The following SSBP2 variants were observed in gnomAD, a reference collection of about 807,000 sequenced individuals.
SSBP2 encodes the protein single-stranded DNA-binding protein 2.
Under a neutral mutation model 61.8 loss-of-function variants are expected in SSBP2, and 17 were observed. That is an observed-to-expected ratio of 0.28 (90% CI 0.19 to 0.41). SSBP2 has a LOEUF of 0.41. Ranked by LOEUF, SSBP2 falls within the 10% of genes least tolerant of loss-of-function variation. The probability of loss-of-function intolerance (pLI) is 1.00; values close to 1 mark genes in which losing one functional copy is unlikely to be tolerated. For missense variants in SSBP2, 310 were observed against 458.7 expected, an observed-to-expected ratio of 0.68 and a Z score of 2.96; for synonymous variants, 139 against 141.3, an observed-to-expected ratio of 0.98 and a Z score of 0.12.
At chr5:81,460,351 A>T (rs1379876946) in intron 10 of SSBP2, among the ~76,000 whole-genome samples, 2 of 152,220 alleles carry the variant, frequency 1.3e-5, no homozygotes, top group East Asian at 3.8e-4. Context: ...CTTCTCTCAC[A>T]TATCGAAGAA....
intron 1 of SSBP2, among the ~76,000 whole-genome samples, chr5:81,719,631 T>C (rs1187733137): frequency 3.9e-5 from 6 of 152,156 alleles, no homozygotes; most frequent in Non-Finnish European, 8.8e-5. Flanking sequence ...CAGAGACAAC[T>C]GCCTTGGGAA....
intron 4 of SSBP2, among the ~76,000 whole-genome samples, chr5:81,520,396 G>T (rs1769379375): frequency 6.6e-6 from 1 of 152,150 alleles, no homozygotes; most frequent in Non-Finnish European, 1.5e-5. Flanking sequence ...TTTTTCTTAA[G>T]CCATCTAATG....
intron 4 of SSBP2, among the ~76,000 whole-genome samples, chr5:81,598,453 G>A (rs115185402): frequency 1.4e-4 from 22 of 151,840 alleles, no homozygotes; most frequent in Non-Finnish European, 2.9e-4. Flanking sequence ...ACTACACCCT[G>A]TCTGAATATC....
At chr5:81,438,438 A>G (rs1287303657) in intron 14 of SSBP2, among the ~76,000 whole-genome samples, 2 of 152,130 alleles carry the variant, frequency 1.3e-5, no homozygotes, top group Non-Finnish European at 2.9e-5. Context: ...ATTTTAAACA[A>G]TTTAACTTCT....
chr5:81,586,626 CA>C (rs35214821), intron 4 of SSBP2, among the ~76,000 whole-genome samples: 37,247 of 113,960 alleles, frequency 0.33, 4,544 homozygotes, highest in African/African-American at 0.45. Context: ...CTGCAGTATG[CA>C]AAAAAAAAAA....
rs1761301245 is a variant in SSBP2, at chr5:81,416,066, T to A, written c.*4438A>T. The A allele has an allele frequency of 6.7e-6, 1 of 149,694 alleles. No individual in the cohort carries two copies. Among genetic ancestry groups the A allele is most frequent in the African/African-American group, 2.5e-5 (1 of 40,550 alleles). The allele number at this position is 149,694 out of a possible 1,614,324, so 9.3% of individuals were successfully genotyped here. Reference sequence around the variant, plus strand: ...GGTGAAACCCTGCCTCTACTAAAAATACAAAAATTAGCCTGTGACGCATGC... The same window carrying A: ...GGTGAAACCCTGCCTCTACTAAAAAAACAAAAATTAGCCTGTGACGCATGC... On this transcript the variant is annotated 3_prime_UTR_variant, in exon 17 of 17. Transcript: ENST00000320672.
chr5:81,627,497 GCTAA>G (rs1747289121), intron 3 of SSBP2, among the ~76,000 whole-genome samples: 3 of 152,068 alleles, frequency 2.0e-5, no homozygotes, highest in African/African-American at 7.2e-5. Context: ...ATTCTAGTGA[GCTAA>G]CTAATGCCAT....
chr5:81,686,385 C>G (rs996281072), intron 1 of SSBP2, among the ~76,000 whole-genome samples: 3 of 152,178 alleles, frequency 2.0e-5, no homozygotes, highest in African/African-American at 7.2e-5. Context: ...TGGCTTTTCA[C>G]TTTATAAACA....
intron 6 of SSBP2, among the ~76,000 whole-genome samples, chr5:81,475,713 G>A (rs777115797): frequency 3.9e-5 from 6 of 152,024 alleles, no homozygotes; most frequent in Admixed American, 1.3e-4. Flanking sequence ...CTCCTCTCAC[G>A]AAGCTTACAG....
chr5:81,722,589 T>C (rs34044243), intron 1 of SSBP2, among the ~76,000 whole-genome samples: 19,814 of 151,876 alleles, frequency 0.13, 1,338 homozygotes, highest in Admixed American at 0.16. Context: ...CCTAAGATTA[T>C]TGCAACAGAG....
Position 81,736,143 on chromosome 5 carries a change from AAC to A in SSBP2, c.62+14836_62+14837del, listed in dbSNP as rs58588638. Among the ~76,000 whole-genome samples the A allele has an allele frequency of 6.0e-3, 451 of 75,366 alleles. 2 individuals carry two copies. The highest frequency in any genetic ancestry group is 0.022 in the East Asian group (95 of 4,304). 49.4% of individuals were successfully genotyped at this position (75,366 alleles called of 152,430 possible). Reference sequence around the variant, plus strand: ...TTCCAAAAACATCCTACTACCCTGAAACACACACACACACACACACACACACA... The same window carrying A: ...TTCCAAAAACATCCTACTACCCTGAAACACACACACACACACACACACACA... On this transcript the variant is annotated intron_variant, in intron 1 of 16. Coordinates refer to ENST00000320672, the MANE Select transcript of SSBP2 (RefSeq NM_012446.5).
intron 4 of SSBP2, among the ~76,000 whole-genome samples, chr5:81,517,847 T>TA (rs980803588): frequency 6.6e-6 from 1 of 151,740 alleles, no homozygotes; most frequent in African/African-American, 2.4e-5. Flanking sequence ...AAATAAAAGT[T>TA]AAAAACCTTC....
intron 4 of SSBP2, among the ~76,000 whole-genome samples, chr5:81,562,454 C>T (rs185963078): frequency 6.6e-6 from 1 of 152,124 alleles, no homozygotes; most frequent in Admixed American, 6.5e-5. Context: ...GGTCCTGATG[C>T]CAAATTATTG....
rs548352028 is a variant in SSBP2 at position 81,680,349 on chromosome 5, TTATAA to T, written c.63-30015_63-30011del. Among the ~76,000 whole-genome samples the T allele has an allele frequency of 9.8e-4, 145 of 148,060 alleles. 1 individual carries two copies. Among genetic ancestry groups the T allele is most frequent in the African/African-American group, 3.3e-3 (133 of 40,900 alleles). On this transcript the variant is annotated intron_variant, in intron 1 of 16. Transcript: ENST00000320672. ...TAATATATAATTTATTATATATAAC[TTATAA>T]TATAATCTATATAATTATATATAAC...
chr5:81,463,958 G>T (rs1375296683), intron 9 of SSBP2, among the ~76,000 whole-genome samples: 2 of 151,510 alleles, frequency 1.3e-5, no homozygotes, highest in East Asian at 1.9e-4. Flanking sequence ...TAGTTTAGAT[G>T]GGGTCTCCCT....
intron 1 of SSBP2, among the ~76,000 whole-genome samples, chr5:81,684,061 C>A (rs576943088): frequency 6.6e-6 from 1 of 152,298 alleles, no homozygotes; most frequent in Admixed American, 6.5e-5. Flanking sequence ...CAAAGCTAAA[C>A]ACATTCTTAA....
At chr5:81,732,593 TC>T (rs1188807207) in intron 1 of SSBP2, among the ~76,000 whole-genome samples, 13 of 152,220 alleles carry the variant, frequency 8.5e-5, no homozygotes, top group Non-Finnish European at 1.9e-4. Context: ...TATAAGAACT[TC>T]CTTTTTTCAC....
chr5:81,429,973 G>A (rs1762187602), intron 15 of SSBP2, among the ~76,000 whole-genome samples: 1 of 152,006 alleles, frequency 6.6e-6, no homozygotes, highest in Non-Finnish European at 1.5e-5. Flanking sequence ...AGCATAAAGA[G>A]GATTCTATTT....
At chr5:81,698,882 C>T (rs568778685) in intron 1 of SSBP2, among the ~76,000 whole-genome samples, 1 of 152,266 alleles carries the variant, frequency 6.6e-6, no homozygotes, top group African/African-American at 2.4e-5. Flanking sequence ...TACTTCACTG[C>T]CCATCCTTGA....
Sources: allele counts gnomAD v4.1 joint callset (sites outside exome capture counted in the v4.1 genomes callset), GRCh38; gene constraint gnomAD v4.1.1; transcripts MANE v1.5; gene names NCBI Gene and HGNC (gene_info 2026-07-23, HGNC 2026-07-21).